The following COL25A1 variants were observed in gnomAD, a reference collection of about 807,000 sequenced individuals.
COL25A1 encodes collagen type XXV alpha 1 chain, also known as collagen alpha-1(XXV) chain.
Under a neutral mutation model 128.4 loss-of-function variants are expected in COL25A1, and 103 were observed. The ratio of observed to expected loss-of-function variants is 0.80; its 90% confidence interval spans 0.68 to 0.94. The LOEUF is 0.94. Among genes scored for constraint, COL25A1 ranks in the 40% least tolerant of loss-of-function variants. The pLI is 0.00. For missense variants in COL25A1, 745 were observed against 840.0 expected (o/e 0.89, Z 1.40); for synonymous variants, 279 against 277.2 (o/e 1.01, Z -0.06).
chr4:109,274,802 A>G (rs556811301), intron 3 of COL25A1, among the ~76,000 whole-genome samples: 1 of 152,332 alleles, frequency 6.6e-6, no homozygotes, highest in African/African-American at 2.4e-5. Context: ...GGTACGAAAC[A>G]TATGTCTATA....
chr4:108,895,610 T>G (rs1467395589), intron 16 of COL25A1, among the ~76,000 whole-genome samples: 1 of 152,226 alleles, frequency 6.6e-6, no homozygotes, highest in Non-Finnish European at 1.5e-5. Flanking sequence ...GGACTGAATA[T>G]GAAGCCTGAC....
intron 19 of COL25A1, 75 bp from the exon 20 acceptor site, chr4:108,869,225 A>T (rs1316475902): frequency 1.5e-6 from 1 of 646,836 alleles, no homozygotes; most frequent in Non-Finnish European, 2.4e-6. Context: ...AATAAATAAA[A>T]ACTAAACTCA....
chr4:108,911,167 CT>C (rs1744171375), intron 13 of COL25A1, among the ~76,000 whole-genome samples: 2 of 152,118 alleles, frequency 1.3e-5, no homozygotes, highest in African/African-American at 4.8e-5. Context: ...TAAGGAAAAG[CT>C]GTCCATGATG....
intron 3 of COL25A1, among the ~76,000 whole-genome samples, chr4:109,173,008 T>C (rs555252639): frequency 2.4e-4 from 36 of 152,340 alleles, no homozygotes; most frequent in African/African-American, 8.4e-4. Flanking sequence ...AGAAGTTTGA[T>C]CTTTAGAAAA....
At chr4:108,982,360 A>G (rs901756076) in intron 6 of COL25A1, among the ~76,000 whole-genome samples, 2 of 152,202 alleles carry the variant, frequency 1.3e-5, no homozygotes, top group African/African-American at 4.8e-5. Context: ...CAAACAAAAC[A>G]AATAAACTTG....
intron 4 of COL25A1, among the ~76,000 whole-genome samples, chr4:109,049,804 T>C (rs1212817174): frequency 6.6e-6 from 1 of 152,176 alleles, no homozygotes; most frequent in Admixed American, 6.6e-5. Flanking sequence ...ACGTGGGTGA[T>C]GCTATCACAC....
At chr4:109,142,207 G>A (rs1285400720) in intron 3 of COL25A1, among the ~76,000 whole-genome samples, 1 of 152,110 alleles carries the variant, frequency 6.6e-6, no homozygotes, top group Non-Finnish European at 1.5e-5. Context: ...TCAGGAGCAG[G>A]TTGTTCAGTT....
intron 11 of COL25A1, among the ~76,000 whole-genome samples, chr4:108,923,852 C>T (rs1346465311): frequency 1.4e-4 from 21 of 152,250 alleles, no homozygotes; most frequent in Non-Finnish European, 2.5e-4. Flanking sequence ...AGATTTCCAA[C>T]CTAGAGTCAT....
intron 6 of COL25A1, among the ~76,000 whole-genome samples, chr4:109,006,427 A>T (rs1245688276): frequency 1.1e-5 from 1 of 90,920 alleles, no homozygotes; most frequent in Non-Finnish European, 2.1e-5. Flanking sequence ...TTTAGGAGAG[A>T]CAGGGTTTTA....
intron 12 of COL25A1, among the ~76,000 whole-genome samples, chr4:108,919,906 G>C (rs1267489226): frequency 6.6e-6 from 1 of 152,066 alleles, no homozygotes; most frequent in Non-Finnish European, 1.5e-5. Flanking sequence ...GGGACTACAG[G>C]CGTGTGCCAC....
intron 3 of COL25A1, among the ~76,000 whole-genome samples, chr4:109,218,357 G>GTTTTTTTTTTTTTTGTTTT (rs1560887047): frequency 9.5e-5 from 7 of 73,564 alleles, no homozygotes; most frequent in East Asian, 5.1e-4. Context: ...GTTTTTTGGG[G>GTTTTTTTTTTTTTTGTTTT]TTTTTTTTTT....
At chr4:109,104,890 A>T (rs1367991423) in intron 3 of COL25A1, among the ~76,000 whole-genome samples, 2 of 152,244 alleles carry the variant, frequency 1.3e-5, no homozygotes, top group African/African-American at 4.8e-5. Flanking sequence ...ATTGCCATTT[A>T]TTAGATGCAA....
intron 6 of COL25A1, 51 bp downstream of exon 6, chr4:109,010,307 A>C: frequency 6.9e-7 from 1 of 1,458,808 alleles, no homozygotes; most frequent in African/African-American, 1.4e-5. Context: ...AGACCTCCAC[A>C]CTGGGAAAAT....
chr4:108,999,293 A>C (rs1282917119), intron 6 of COL25A1, among the ~76,000 whole-genome samples: 3 of 152,228 alleles, frequency 2.0e-5, no homozygotes, highest in African/African-American at 7.2e-5. Context: ...ACCCCATCAA[A>C]AAGTGGGCAA....
At chr4:109,276,444 A>G (rs1722855553) in intron 3 of COL25A1, among the ~76,000 whole-genome samples, 1 of 151,798 alleles carries the variant, frequency 6.6e-6, no homozygotes, top group African/African-American at 2.4e-5. Context: ...CTTATTTTTT[A>G]CACATCTAAC....
At chr4:109,251,911 G>A (rs1206167481) in intron 3 of COL25A1, among the ~76,000 whole-genome samples, 3 of 152,212 alleles carry the variant, frequency 2.0e-5, no homozygotes, top group African/African-American at 7.2e-5. Flanking sequence ...GCAAGGTATT[G>A]CCACTGAAGT....
At chr4:109,027,016 G>A (rs1758362825) in intron 5 of COL25A1, among the ~76,000 whole-genome samples, 1 of 152,174 alleles carries the variant, frequency 6.6e-6, no homozygotes, top group South Asian at 2.1e-4. Flanking sequence ...AGATGTGAGA[G>A]GAATAAAATT....
intron 3 of COL25A1, among the ~76,000 whole-genome samples, chr4:109,296,628 A>T (rs1304816176): frequency 6.6e-6 from 1 of 152,146 alleles, no homozygotes; most frequent in Non-Finnish European, 1.5e-5. Flanking sequence ...TGGAGATATG[A>T]AAATAGAAAC....
intron 3 of COL25A1, among the ~76,000 whole-genome samples, chr4:109,212,881 C>T (rs957943048): frequency 8.5e-5 from 13 of 152,188 alleles, no homozygotes; most frequent in African/African-American, 1.7e-4. Flanking sequence ...CTGTCTTCTG[C>T]GGCAGAAGAC....
Sources: allele counts gnomAD v4.1 joint callset (sites outside exome capture counted in the v4.1 genomes callset), GRCh38; gene constraint gnomAD v4.1.1; transcripts MANE v1.5; gene names NCBI Gene and HGNC (gene_info 2026-07-23, HGNC 2026-07-21).